PCDHGA1: variants seen among roughly 807,000 people sequenced by gnomAD.
PCDHGA1 encodes the protein protocadherin gamma subfamily A, 1, also known as protocadherin gamma-A1.
PCDHGA1 carries 32 observed loss-of-function variants against 58.0 expected under a neutral mutation model. The ratio of observed to expected loss-of-function variants is 0.55; its 90% CI spans 0.42 to 0.74. The LOEUF is 0.74. Ranked by LOEUF, PCDHGA1 falls within the 30% of genes least tolerant of loss-of-function variation. The pLI, the probability that PCDHGA1 is intolerant of heterozygous loss-of-function variation, is 0.00. For synonymous variants in PCDHGA1, 498 were observed against 501.1 expected, an observed-to-expected ratio of 0.99 and a Z score of 0.08; for missense variants, 1,205 against 1,182.3, an observed-to-expected ratio of 1.02 and a Z score of -0.28.
At chr5:141,352,101 G>T in intron 1 of PCDHGA1, 1 of 1,606,586 alleles carries the variant, frequency 6.2e-7, no homozygotes, top group Non-Finnish European at 8.5e-7. Flanking sequence ...GGGCTCTTCA[G>T]CCTGGGGTTG....
intron 1 of PCDHGA1, chr5:141,417,885 G>T (rs761442517): frequency 3.8e-6 from 6 of 1,562,926 alleles, no homozygotes; most frequent in South Asian, 1.2e-5. Context: ...GCGCAGAGGC[G>T]CCGGGCCGGC....
intron 1 of PCDHGA1, chr5:141,371,065 G>GT (rs1255340966): frequency 2.5e-6 from 4 of 1,613,804 alleles, no homozygotes; most frequent in Non-Finnish European, 2.5e-6. Flanking sequence ...TCCAGAAGCT[G>GT]TACCACCCAG....
intron 1 of PCDHGA1, among the ~76,000 whole-genome samples, chr5:141,438,637 C>G (rs11958903): frequency 3.2e-5 from 1 of 30,940 alleles, no homozygotes. Context: ...TATATATATA[C>G]ACACACACAC....
chr5:141,486,163 G>A lies in PCDHGA1; in HGVS notation c.2422-8644G>A. 2.5e-6 allele frequency: 4 copies of A among 1,614,212 alleles called. No individual in the cohort carries two copies. Among genetic ancestry groups the A allele is most frequent in the Non-Finnish European group, 3.4e-6 (4 of 1,180,034 alleles). The stretch of plus-strand genomic sequence containing the variant: ...CTCGCGATGGGGGTTCTCCAGCCAT[G>A]GAGCAACATTGCAGCCTTCGAGTGG... On this transcript the variant is annotated intron_variant, in intron 1 of 3. Transcript: ENST00000517417. This position sits in a 1 kb window ranked among gnomAD's most constrained non-coding sequence, Gnocchi z 5.0.
chr5:141,406,553 C>T (rs990498102), intron 1 of PCDHGA1, among the ~76,000 whole-genome samples: 1 of 152,150 alleles, frequency 6.6e-6, no homozygotes, highest in African/African-American at 2.4e-5. Flanking sequence ...CTTCAGTTAT[C>T]CACTTCCAAA....
chr5:141,384,934 G>C lies in PCDHGA1; in HGVS notation c.2421+51829G>C, dbSNP rs750109041. Reference sequence around the variant, plus strand: ...AGTCTTGGCCGACCTGGGCAGCCTTGAGCCCTCCGACGGTCCTTACAACTA... The same window carrying C: ...AGTCTTGGCCGACCTGGGCAGCCTTCAGCCCTCCGACGGTCCTTACAACTA... On this transcript the variant is annotated intron_variant, in intron 1 of 3. Coordinates refer to ENST00000517417, the MANE Select transcript of PCDHGA1 (RefSeq NM_018912.3). 2.9e-5 allele frequency: 47 copies of C among 1,614,050 alleles called. No homozygotes were observed. In the East Asian group the frequency reaches 1.0e-3, roughly 34 times the overall value.
At chr5:141,475,895 C>A (rs2099379056) in intron 1 of PCDHGA1, 1 of 568,558 alleles carries the variant, frequency 1.8e-6, no homozygotes, top group African/African-American at 1.9e-5. Context: ...ACTCTGTGTG[C>A]CGCTGTCGGC....
At position 141,330,850 on chromosome 5, in the gene PCDHGA1, C is replaced by A. The variant is rs778107898; in HGVS notation, c.166C>A (p.Pro56Thr). The change falls in exon 1 of 4, where the codon CCC (proline) becomes ACC (threonine). Residue 56 changes from proline (P) to threonine (T), a missense_variant. By Grantham distance (38) the Pro-to-Thr change is conservative. Transcript: ENST00000517417. The stretch of plus-strand genomic sequence containing the variant: ...CATCGCCAAGGACCTAGGGCTGCAA[C>A]CCCAGGAGCTGGCAGATGGCGGAGT... ...GNIAKDLGLQPQELADGGVRI... is the reference protein window; with the variant it reads ...GNIAKDLGLQTQELADGGVRI... 1 of 1,614,196 alleles carries A rather than the reference C, an allele frequency of 6.2e-7. No homozygotes were observed. Among genetic ancestry groups the A allele is most frequent in the Non-Finnish European group, 8.5e-7 (1 of 1,180,044 alleles).
chr5:141,383,152 G>A lies in PCDHGA1; in HGVS notation c.2421+50047G>A, dbSNP rs200500982. 5.1e-5 allele frequency: 83 copies of A among 1,614,124 alleles called. No individual in the cohort carries two copies. The African/African-American group carries it at 8.8e-4, about 17-fold the overall frequency. Reference sequence around the variant, plus strand: ...CCTGAACCAGCGCAGCGGCAGCTTGGTCACTGCGGGCAGGATAGACCGGGA... The same window carrying A: ...CCTGAACCAGCGCAGCGGCAGCTTGATCACTGCGGGCAGGATAGACCGGGA... On this transcript the variant is annotated intron_variant, in intron 1 of 3. Coordinates refer to ENST00000517417, the MANE Select transcript of PCDHGA1 (RefSeq NM_018912.3).
chr5:141,389,726 C>T (rs150721796), intron 1 of PCDHGA1: 77,154 of 1,612,710 alleles, frequency 0.048, 2,225 homozygotes, highest in Non-Finnish European at 0.054. Context: ...AGCCCGGGCT[C>T]TTCAGCCTGG....
At chr5:141,340,239 C>T (rs1367784077) in intron 1 of PCDHGA1, 6 of 1,614,202 alleles carry the variant, frequency 3.7e-6, no homozygotes, top group Middle Eastern at 3.3e-4. Flanking sequence ...ATCACTCTAA[C>T]CGCTAAAGAT....
At position 141,491,823 on chromosome 5, in the gene PCDHGA1, C is replaced by G; in HGVS notation, c.2422-2984C>G. Reference sequence around the variant, plus strand: ...GCCGGCTTGGTCGCTGGCTGCGCTCCACCCGATTCTCGGGATCATTGGACC... The same window carrying G: ...GCCGGCTTGGTCGCTGGCTGCGCTCGACCCGATTCTCGGGATCATTGGACC... On this transcript the variant is annotated intron_variant, in intron 1 of 3. Transcript: ENST00000517417. The surrounding 1 kb of genome is among the most constrained non-coding windows in gnomAD (Gnocchi z 6.9). The G allele has an allele frequency of 6.8e-7, 1 of 1,479,156 alleles. No individual in the cohort carries two copies. Among genetic ancestry groups the G allele is most frequent in the Non-Finnish European group, 9.0e-7 (1 of 1,115,292 alleles). 91.6% of individuals were successfully genotyped at this position (1,479,156 alleles called of 1,614,324 possible). A position where few individuals can be genotyped will look rare whatever the true frequency, so the allele number is the denominator to read the frequency against.
At chr5:141,498,361 T>C (rs1256361883) in intron 2 of PCDHGA1, among the ~76,000 whole-genome samples, 1 of 151,460 alleles carries the variant, frequency 6.6e-6, no homozygotes, top group African/African-American at 2.4e-5. Flanking sequence ...GCAAAAGCCT[T>C]GTGGTGAGGC....
rs763239421 is a variant in PCDHGA1, at chr5:141,477,265, G to C, written c.2422-17542G>C. 1 of 1,614,198 alleles carries C rather than the reference G, an allele frequency of 6.2e-7. No homozygotes were observed. Among genetic ancestry groups the C allele is most frequent in the Admixed American group, 1.7e-5 (1 of 60,020 alleles). On this transcript the variant is annotated intron_variant, in intron 1 of 3. Coordinates refer to ENST00000517417, the MANE Select transcript of PCDHGA1 (RefSeq NM_018912.3). The surrounding 1 kb of genome is among the most constrained non-coding windows in gnomAD (Gnocchi z 4.9). ...GTGTGACTGACCTGGATGCTGGCGA[G>C]AACGGGCTGGTGACCTGCGAAGTTC...
intron 1 of PCDHGA1, among the ~76,000 whole-genome samples, chr5:141,401,168 C>T (rs2094123018): frequency 1.3e-5 from 2 of 152,142 alleles, no homozygotes; most frequent in Non-Finnish European, 2.9e-5. Flanking sequence ...ATGGTGAAAA[C>T]CCGTCTCTAC....
chr5:141,456,072 T>C (rs1349808406), intron 1 of PCDHGA1, among the ~76,000 whole-genome samples: 2 of 151,950 alleles, frequency 1.3e-5, no homozygotes, highest in Non-Finnish European at 2.9e-5. Flanking sequence ...TAATTTTTTG[T>C]ATTTTCAGTA....
Position 141,512,147 on chromosome 5 carries a change from GGCTGA to G in PCDHGA1, c.*978_*982del, listed in dbSNP as rs1406468661. The G allele has an allele frequency of 1.3e-5, 2 of 152,652 alleles. No homozygotes were observed. Among genetic ancestry groups the G allele is most frequent in the Admixed American group, 6.5e-5 (1 of 15,286 alleles). The allele number at this position is 152,652 out of a possible 1,614,324, so 9.5% of individuals were successfully genotyped here. A position where few individuals can be genotyped will look rare whatever the true frequency, so the allele number is the denominator to read the frequency against. On this transcript the variant is annotated 3_prime_UTR_variant, in exon 4 of 4. Coordinates refer to ENST00000517417, the MANE Select transcript of PCDHGA1 (RefSeq NM_018912.3). ...GGCTCAGCCCAGGCAGCCAGCTTTG[GGCTGA>G]GCTAACAGGACCAATGGATTAAACT... is the stretch of plus-strand genomic sequence containing the variant.
rs74964649 is a variant in PCDHGA1 at position 141,370,417 on chromosome 5, G to A, written c.2421+37312G>A. On this transcript the variant is annotated intron_variant, in intron 1 of 3. Transcript: ENST00000517417. Reference sequence around the variant, plus strand: ...GGGATGGGAAATAGCTCCGGATGGAGGGGCCCAGCAGGGCAGAGGCGAATG... The same window carrying A: ...GGGATGGGAAATAGCTCCGGATGGAAGGGCCCAGCAGGGCAGAGGCGAATG... 7.3e-4 allele frequency: 1,146 copies of A among 1,570,760 alleles called. 10 individuals are homozygous for A. In the African/African-American group the frequency reaches 0.014, roughly 19 times the overall value.
At position 141,388,927 on chromosome 5, in the gene PCDHGA1, A is replaced by G. The variant is rs772950330; in HGVS notation, c.2421+55822A>G. 7 of 1,614,064 alleles carry G rather than the reference A, an allele frequency of 4.3e-6. No individual in the cohort carries two copies. Among genetic ancestry groups the G allele is most frequent in the Non-Finnish European group, 5.1e-6 (6 of 1,179,890 alleles). Reference sequence around the variant, plus strand: ...GACAACGCCCCAGAAGTGATATTCCAGTCTCTACCCAACCTAATTATGGAG... The same window carrying G: ...GACAACGCCCCAGAAGTGATATTCCGGTCTCTACCCAACCTAATTATGGAG... On this transcript the variant is annotated intron_variant, in intron 1 of 3. Coordinates refer to ENST00000517417, the MANE Select transcript of PCDHGA1 (RefSeq NM_018912.3).
Sources: gnomAD v4.1 joint callset for allele counts (sites outside exome capture counted in the v4.1 genomes callset) on GRCh38, gnomAD v4.1.1 for gene constraint, Gnocchi (gnomAD v3.1) non-coding constraint, MANE v1.5 for transcripts, NCBI Gene and HGNC (gene_info 2026-07-23, HGNC 2026-07-21) for gene names.